STAC: variants seen among roughly 807,000 people sequenced by gnomAD.
The protein encoded by STAC is SH3 and cysteine-rich domain-containing protein.
In STAC, 43 loss-of-function variants were observed where a neutral mutation model predicts 48.8. That is an observed-to-expected ratio of 0.88 (90% CI 0.69 to 1.14). The LOEUF is 1.14. Ranked by LOEUF, STAC falls within the 50% of genes most tolerant of loss-of-function variation. The pLI is 0.00. For synonymous variants in STAC, 193 were observed against 179.5 expected (o/e 1.07, Z -0.60); for missense variants, 497 against 504.0 (o/e 0.99, Z 0.13).
In STAC at chr3:36,512,484, T is replaced by C. The variant is rs139367758; in HGVS notation, c.920+6650T>C. Reference sequence around the variant, plus strand: ...TTTAAGATTTAACAGCTTTCTATTATAGAGATCCTACAGCTTTATATTAGA... The same window carrying C: ...TTTAAGATTTAACAGCTTTCTATTACAGAGATCCTACAGCTTTATATTAGA... On this transcript the variant is annotated intron_variant, in intron 8 of 10. Transcript: ENST00000273183. Among the ~76,000 whole-genome samples, 14 of 152,278 alleles carry C rather than the reference T, an allele frequency of 9.2e-5. 1 individual carries two copies. The East Asian group carries it at 1.7e-3, about 19-fold the overall frequency.
intron 10 of STAC, 62 bp downstream of exon 10, chr3:36,529,047 TTAA>T: frequency 1.4e-6 from 2 of 1,477,746 alleles, no homozygotes; most frequent in East Asian, 2.4e-5. Context: ...TTTAATAAAC[TTAA>T]TAATATGTAT....
intron 1 of STAC, among the ~76,000 whole-genome samples, chr3:36,433,962 C>T (rs1700766772): frequency 6.6e-6 from 1 of 152,112 alleles, no homozygotes; most frequent in Non-Finnish European, 1.5e-5. Flanking sequence ...CAAATCAGTA[C>T]CTGGAATGTA....
chr3:36,499,272 T>G (rs1052558573), intron 6 of STAC, among the ~76,000 whole-genome samples: 1 of 152,220 alleles, frequency 6.6e-6, no homozygotes, highest in Non-Finnish European at 1.5e-5. Context: ...CTGGACACAT[T>G]TTTTAAAATA....
chr3:36,493,200 G>T lies in STAC; in HGVS notation c.737G>T (p.Gly246Val). Residue 246 changes from glycine to valine, a missense_variant, in exon 6 of 11, where the codon GGG (glycine) becomes GTG (valine). Coordinates refer to ENST00000273183, the MANE Select transcript of STAC (RefSeq NM_003149.3). ...GAGGAAGCCAATGGGCCAGGAGGCG[G>T]GTATGACCTAAGGAAACGCAGCAAC... Reference protein sequence around the residue: ...VPEEANGPGGGYDLRKRSNSV... With the variant: ...VPEEANGPGGVYDLRKRSNSV... The T allele has an allele frequency of 1.2e-6, 2 of 1,613,558 alleles. No individual in the cohort carries two copies. The highest frequency in any genetic ancestry group is 1.7e-6 in the Non-Finnish European group (2 of 1,179,638).
rs529981974 is a variant in STAC, at chr3:36,504,658, C to T, written c.831+201C>T. Among the ~76,000 whole-genome samples the T allele has an allele frequency of 9.5e-4, 144 of 152,178 alleles. 1 individual carries two copies. The highest frequency in any genetic ancestry group is 1.6e-3 in the Non-Finnish European group (107 of 68,006). On this transcript the variant is annotated intron_variant, in intron 7 of 10. Transcript: ENST00000273183. ...TAAAAGGTAAAAAGAGTAAGCATTG[C>T]ACTGTGCACCTTTTGTTTCTGTTAT... is the stretch of plus-strand genomic sequence containing the variant.
At chr3:36,450,651 G>C (rs546476219) in intron 2 of STAC, among the ~76,000 whole-genome samples, 1 of 152,174 alleles carries the variant, frequency 6.6e-6, no homozygotes, top group Admixed American at 6.5e-5. Context: ...TCAGCCTCCC[G>C]AGCAGCTGGG....
chr3:36,481,265 C>A (rs995790590), intron 2 of STAC, among the ~76,000 whole-genome samples: 8 of 152,180 alleles, frequency 5.3e-5, no homozygotes, highest in African/African-American at 1.7e-4. Context: ...CTCCCAAAGC[C>A]TGCAGAGCCT....
rs371141308 is a variant in STAC, at chr3:36,510,139, C to T, written c.920+4305C>T. Among the ~76,000 whole-genome samples the T allele has an allele frequency of 1.6e-3, 237 of 152,088 alleles. 1 individual carries two copies. Among genetic ancestry groups the T allele is most frequent in the Middle Eastern group, 6.8e-3 (2 of 294 alleles). ...GAAAAAAACCCCATCAAAAAGTGGG[C>T]AAAGGATATGAATGGACACTTCTCA... is the stretch of plus-strand genomic sequence containing the variant. On this transcript the variant is annotated intron_variant, in intron 8 of 10. Coordinates refer to ENST00000273183, the MANE Select transcript of STAC (RefSeq NM_003149.3).
At position 36,475,262 on chromosome 3, in the gene STAC, ATT is replaced by A. The variant is rs34947140; in HGVS notation, c.389-7720_389-7719del. Among the ~76,000 whole-genome samples the A allele has an allele frequency of 2.7e-5, 4 of 148,870 alleles. No homozygotes were observed. In the South Asian group the frequency reaches 6.4e-4, roughly 24 times the overall value. On this transcript the variant is annotated intron_variant, in intron 2 of 10. Coordinates refer to ENST00000273183, the MANE Select transcript of STAC (RefSeq NM_003149.3). ...GAAAGTAATGAAAATACATCATGTT[ATT>A]TTTTTTTTTAATTCTACTATGGAGC...
At chr3:36,455,821 G>T (rs1696839405) in intron 2 of STAC, among the ~76,000 whole-genome samples, 1 of 152,012 alleles carries the variant, frequency 6.6e-6, no homozygotes, top group Non-Finnish European at 1.5e-5. Context: ...AGGATAGAGG[G>T]AAGAGAAATA....
intron 1 of STAC, among the ~76,000 whole-genome samples, chr3:36,387,276 A>G (rs921670445): frequency 2.6e-5 from 4 of 152,006 alleles, no homozygotes; most frequent in Non-Finnish European, 2.9e-5. Flanking sequence ...ATTCTACTCC[A>G]CGTAGACATC....
At chr3:36,491,206 T>G (rs1697957856) in intron 5 of STAC, among the ~76,000 whole-genome samples, 1 of 152,242 alleles carries the variant, frequency 6.6e-6, no homozygotes, top group Non-Finnish European at 1.5e-5. Context: ...TATGCCTGCA[T>G]AGCAAAGCTT....
chr3:36,396,704 T>A (rs1699864212), intron 1 of STAC, among the ~76,000 whole-genome samples: 1 of 152,214 alleles, frequency 6.6e-6, no homozygotes, highest in Non-Finnish European at 1.5e-5. Context: ...GTAATTTCAT[T>A]CCCATATAAT....
chr3:36,418,116 G>C (rs889551077), intron 1 of STAC, among the ~76,000 whole-genome samples: 1 of 151,744 alleles, frequency 6.6e-6, no homozygotes, highest in Admixed American at 6.6e-5. Context: ...CAATAAACTA[G>C]TTCTTTGATT....
At chr3:36,500,883 G>A (rs1187053087) in intron 6 of STAC, among the ~76,000 whole-genome samples, 1 of 152,130 alleles carries the variant, frequency 6.6e-6, no homozygotes, top group Non-Finnish European at 1.5e-5. Flanking sequence ...TTGATGCCAG[G>A]AGTTCAAGCC....
intron 1 of STAC, among the ~76,000 whole-genome samples, chr3:36,396,266 ATC>A (rs1160517437): frequency 6.6e-6 from 1 of 152,158 alleles, no homozygotes; most frequent in Non-Finnish European, 1.5e-5. Context: ...TATAAATTGG[ATC>A]TCTGTTTATT....
chr3:36,476,564 G>C (rs1317578732), intron 2 of STAC, among the ~76,000 whole-genome samples: 1 of 152,172 alleles, frequency 6.6e-6, no homozygotes, highest in African/African-American at 2.4e-5. Flanking sequence ...GGGGTTGCAT[G>C]GTGGAGACCT....
chr3:36,479,153 G>A (rs914504173), intron 2 of STAC, among the ~76,000 whole-genome samples: 12 of 152,106 alleles, frequency 7.9e-5, no homozygotes, highest in Admixed American at 3.3e-4. Context: ...CTAAGAAAAC[G>A]TATGTGTAAA....
intron 8 of STAC, among the ~76,000 whole-genome samples, chr3:36,515,798 A>C (rs1232349953): frequency 1.3e-5 from 2 of 151,836 alleles, no homozygotes; most frequent in African/African-American, 4.8e-5. Context: ...GATTCAACAG[A>C]ACTCTGTTTT....
Sources: allele counts gnomAD v4.1 joint callset (sites outside exome capture counted in the v4.1 genomes callset), GRCh38; gene constraint gnomAD v4.1.1; transcripts MANE v1.5; gene names NCBI Gene and HGNC (gene_info 2026-07-23, HGNC 2026-07-21).